Variants in HERC1 observed in about 807,000 individuals in gnomAD.
HERC1 encodes probable E3 ubiquitin-protein ligase HERC1.
HERC1 carries 160 observed loss-of-function variants against 554.3 expected under a neutral mutation model. The ratio of observed to expected loss-of-function variants is 0.29; its 90% CI spans 0.25 to 0.33. The LOEUF (loss-of-function observed/expected upper bound fraction) is 0.33. Ranked by LOEUF, HERC1 falls within the 10% of genes least tolerant of loss-of-function variation. The pLI is 1.00. For synonymous variants in HERC1, 2,175 were observed against 2,131.7 expected (o/e 1.02, Z -0.56); for missense variants, 4,919 against 5,918.5 (o/e 0.83, Z 5.54).
In HERC1 at chr15:63,756,818, T is replaced by A. The variant is rs920088383; in HGVS notation, c.1222-70A>T. 1.8e-5 allele frequency: 18 copies of A among 975,176 alleles called. No individual in the cohort carries two copies. In the African/African-American group the frequency reaches 2.8e-4, roughly 15 times the overall value. The allele number at this position is 975,176 out of a possible 1,614,324, so 60.4% of individuals were successfully genotyped here. On this transcript the variant is annotated intron_variant, in intron 4 of 77. Transcript: ENST00000443617. This position sits in a 1 kb window ranked among gnomAD's most constrained non-coding sequence, Gnocchi z 5.0. Reference sequence around the variant, plus strand: ...AAAGTATAATATTTAAGGCTGGTTTTATCAAAGAGCCTCAAAGGAAGTCTT... The same window carrying A: ...AAAGTATAATATTTAAGGCTGGTTTAATCAAAGAGCCTCAAAGGAAGTCTT...
At chr15:63,720,103 C>CCTTTTTTTTTTTTTTTTTTTTTTTTT (rs2073747290) in intron 19 of HERC1, among the ~76,000 whole-genome samples, 2 of 71,608 alleles carry the variant, frequency 2.8e-5, no homozygotes, top group African/African-American at 6.0e-5. Context: ...TTTTTCTTCC[C>CCTTTTTTTTTTTTTTTTTTTTTTTTT]TTTTTTTTTT....
intron 16 of HERC1, among the ~76,000 whole-genome samples, chr15:63,728,229 G>A (rs2074115570): frequency 1.3e-5 from 2 of 152,176 alleles, no homozygotes; most frequent in South Asian, 4.1e-4. Flanking sequence ...GAAGAAAGTG[G>A]TTAAAACTTC....
intron 75 of HERC1, among the ~76,000 whole-genome samples, chr15:63,616,159 G>A (rs1281820589): frequency 1.3e-5 from 2 of 152,098 alleles, no homozygotes; most frequent in African/African-American, 2.4e-5. Context: ...TTGAACTCTC[G>A]TGACCTCAGG....
At chr15:63,700,785 C>T (rs1000857413) in intron 25 of HERC1, among the ~76,000 whole-genome samples, 3 of 149,328 alleles carry the variant, frequency 2.0e-5, no homozygotes, top group African/African-American at 4.9e-5. Context: ...TAAAAATTTC[C>T]CCAAATTGTA....
At chr15:63,705,002 T>C (rs2072928723) in intron 25 of HERC1, among the ~76,000 whole-genome samples, 1 of 152,112 alleles carries the variant, frequency 6.6e-6, no homozygotes, top group African/African-American at 2.4e-5. Flanking sequence ...CCTCCCAAAG[T>C]GCTGGGATTA....
intron 77 of HERC1, among the ~76,000 whole-genome samples, chr15:63,610,433 G>T (rs561111332): frequency 6.6e-6 from 1 of 152,198 alleles, no homozygotes; most frequent in African/African-American, 2.4e-5. Flanking sequence ...CCCTGAGACC[G>T]GAGATTAGTG....
At chr15:63,673,634 T>G (rs1254632376) in intron 38 of HERC1, among the ~76,000 whole-genome samples, 1 of 152,182 alleles carries the variant, frequency 6.6e-6, no homozygotes, top group African/African-American at 2.4e-5. Flanking sequence ...AAACAGAGCT[T>G]TTCTTTTTTT....
chr15:63,672,077 A>T (rs1289884935), intron 39 of HERC1, among the ~76,000 whole-genome samples: 3 of 152,252 alleles, frequency 2.0e-5, no homozygotes, highest in Non-Finnish European at 4.4e-5. Context: ...TTTTTTAAGA[A>T]TAAAAATACA....
intron 32 of HERC1, 111 bp downstream of exon 32, chr15:63,690,430 T>G: frequency 1.5e-6 from 1 of 665,468 alleles, no homozygotes; most frequent in Non-Finnish European, 2.5e-6. Context: ...GTAAACGTTA[T>G]GCTATTGAAT....
At position 63,695,491 on chromosome 15, in the gene HERC1, T is replaced by A. The variant is rs550938932; in HGVS notation, c.5122-597A>T. Among the ~76,000 whole-genome samples the A allele has an allele frequency of 5.3e-5, 8 of 151,818 alleles. No homozygotes were observed. In the South Asian group the frequency reaches 1.0e-3, roughly 20 times the overall value. On this transcript the variant is annotated intron_variant, in intron 27 of 77. Transcript: ENST00000443617. ...ACCTCCACCTCCCGGGTTCAAGCGA[T>A]TCTCCCTGCCTCAGCCTCCTGAGTA...
chr15:63,729,189 T>C (rs1373330416), intron 16 of HERC1, 47 bp downstream of exon 16: 1 of 1,530,050 alleles, frequency 6.5e-7, no homozygotes, highest in Non-Finnish European at 8.8e-7. Flanking sequence ...CCAAGTGTTC[T>C]TACTTCTTAA....
intron 24 of HERC1, among the ~76,000 whole-genome samples, chr15:63,707,877 TGA>T (rs1298898528): frequency 7.5e-6 from 1 of 133,628 alleles, no homozygotes; most frequent in Admixed American, 9.3e-5. Context: ...TGCAGTGAGC[TGA>T]GATTGTGCCA....
At chr15:63,726,173 G>C (rs1456118752) in intron 17 of HERC1, among the ~76,000 whole-genome samples, 3 of 152,008 alleles carry the variant, frequency 2.0e-5, no homozygotes, top group Admixed American at 1.3e-4. Context: ...GTAGAGATGG[G>C]GTTTCACCAT....
chr15:63,658,334 G>C (rs1323569545), intron 48 of HERC1, among the ~76,000 whole-genome samples: 1 of 152,186 alleles, frequency 6.6e-6, no homozygotes, highest in Non-Finnish European at 1.5e-5. Context: ...ACTCAGTTGT[G>C]ATAATGGCAT....
chr15:63,677,227 CAT>C lies in HERC1; in HGVS notation c.7070+616_7070+617del, dbSNP rs901763201. 2.0e-5 allele frequency among the ~76,000 whole-genome samples: 3 copies of C among 152,304 alleles called. No individual in the cohort carries two copies. Among genetic ancestry groups the C allele is most frequent in the Admixed American group, 2.0e-4 (3 of 15,302 alleles). The stretch of plus-strand genomic sequence containing the variant: ...TGCTCAACCTGCATTTCCTTGTAAA[CAT>C]ATGAAATTTGTAATTTGCACAAATC... On this transcript the variant is annotated intron_variant, in intron 37 of 77. Coordinates refer to ENST00000443617, the MANE Select transcript of HERC1 (RefSeq NM_003922.4). The surrounding 1 kb of genome is among the most constrained non-coding windows in gnomAD (Gnocchi z 4.4).
In HERC1 at chr15:63,669,685, T is replaced by C; in HGVS notation, c.8059A>G (p.Ser2687Gly). 1.2e-6 allele frequency: 2 copies of C among 1,613,534 alleles called. No individual in the cohort carries two copies. Among genetic ancestry groups the C allele is most frequent in the Non-Finnish European group, 1.7e-6 (2 of 1,179,548 alleles). Residue 2687 changes from serine to glycine, a missense_variant, in exon 40 of 78, where the codon AGT (serine) becomes GGT (glycine). By Grantham distance (56) the Ser-to-Gly change is moderately conservative. Transcript: ENST00000443617. ...PLSLLRQMFS[S>G]YPTTTVLPTR... ...GGAAGTACAGTGGTAGTTGGGTAAC[T>C]AGAGAACATTTGCCTTTAAGAAAAT...
At position 63,729,497 on chromosome 15, in the gene HERC1, C is replaced by T. The variant is rs969741394; in HGVS notation, c.3021G>A (p.Glu1007=). Residue 1007 remains glutamate, a splice_region_variant and synonymous_variant, in exon 15 of 78, where the codon GAG becomes GAA. Coordinates refer to ENST00000443617, the MANE Select transcript of HERC1 (RefSeq NM_003922.4). ...CCATAAAAGACAAATAATCGCATAC[C>T]TCACTAATGTTATTGATATGGCAAA... ...LAFCHINNIS[E]NSSSVALLHK... is the part of the protein sequence containing the mutation. 5.6e-6 allele frequency: 9 copies of T among 1,612,626 alleles called. No individual in the cohort carries two copies. Among genetic ancestry groups the T allele is most frequent in the Non-Finnish European group, 6.8e-6 (8 of 1,178,860 alleles).
At chr15:63,689,429 A>T (rs1322705233) in intron 33 of HERC1, among the ~76,000 whole-genome samples, 160 bp downstream of exon 33, 1 of 152,194 alleles carries the variant, frequency 6.6e-6, no homozygotes, top group East Asian at 1.9e-4. Flanking sequence ...CATGGTTATA[A>T]GCTGAGGGGA....
intron 1 of HERC1, among the ~76,000 whole-genome samples, chr15:63,815,258 G>A (rs757330367): frequency 2.0e-5 from 3 of 151,994 alleles, no homozygotes; most frequent in Admixed American, 6.6e-5. Flanking sequence ...TATATTTCAC[G>A]CTCTCCACCT....
Sources: gnomAD v4.1 joint callset for allele counts (sites outside exome capture counted in the v4.1 genomes callset) on GRCh38, gnomAD v4.1.1 for gene constraint, Gnocchi (gnomAD v3.1) non-coding constraint, MANE v1.5 for transcripts, NCBI Gene and HGNC (gene_info 2026-07-23, HGNC 2026-07-21) for gene names.